Variants in CALD1 observed in about 807,000 individuals in gnomAD.
CALD1 encodes the protein caldesmon.
CALD1 carries 33 observed loss-of-function variants against 99.9 expected under a neutral mutation model. The ratio of observed to expected loss-of-function variants is 0.33; its 90% CI spans 0.25 to 0.44. The LOEUF (loss-of-function observed/expected upper bound fraction) is 0.44. Ranked by LOEUF, CALD1 falls within the 20% of genes least tolerant of loss-of-function variation. The pLI, the probability that CALD1 is intolerant of heterozygous loss-of-function variation, is 1.00. For missense variants in CALD1, 861 were observed against 962.1 expected, an observed-to-expected ratio of 0.89 and a Z score of 1.39; for synonymous variants, 310 against 325.0, an observed-to-expected ratio of 0.95 and a Z score of 0.50.
At chr7:134,830,598 T>A (rs1586052672) in intron 1 of CALD1, among the ~76,000 whole-genome samples, 1 of 152,090 alleles carries the variant, frequency 6.6e-6, no homozygotes, top group Non-Finnish European at 1.5e-5. Context: ...GTGTGTGTTG[T>A]TCCCCTCTAT....
chr7:134,736,036 T>A, the CALD1 span, among the ~76,000 whole-genome samples: 5 of 152,218 alleles, frequency 3.3e-5, no homozygotes, highest in Non-Finnish European at 7.3e-5. Flanking sequence ...TGCAATATTA[T>A]TAAAGGAAAC....
chr7:134,880,408 T>C (rs147156638), intron 3 of CALD1, among the ~76,000 whole-genome samples: 155 of 152,242 alleles, frequency 1.0e-3, no homozygotes, highest in Non-Finnish European at 1.6e-3. Flanking sequence ...GAGACTAATA[T>C]GAAAAATAAC....
rs142571646 is a variant in CALD1 at position 134,816,602 on chromosome 7, A to G, written c.-129-27282A>G. On this transcript the variant is annotated intron_variant, in intron 1 of 14. Transcript: ENST00000361675. ...CAGTAGACTGTTTTGTATATGCAACATTAACTCATTTGGAAGATTTATGCT... is the reference window on the plus strand; with the variant it reads ...CAGTAGACTGTTTTGTATATGCAACGTTAACTCATTTGGAAGATTTATGCT... Among the ~76,000 whole-genome samples, 209 of 152,322 alleles carry G rather than the reference A, an allele frequency of 1.4e-3. 1 individual carries two copies. The highest frequency in any genetic ancestry group is 4.5e-3 in the African/African-American group (187 of 41,574).
chr7:134,930,843 C>A (rs1039066414), intron 4 of CALD1, among the ~76,000 whole-genome samples: 1 of 152,148 alleles, frequency 6.6e-6, no homozygotes, highest in African/African-American at 2.4e-5. Context: ...AGATTCTTAA[C>A]ACGGGAGGGC....
chr7:134,757,695 A>G (rs1451191428), intron 1 of CALD1, among the ~76,000 whole-genome samples: 3 of 152,140 alleles, frequency 2.0e-5, no homozygotes. Flanking sequence ...CCTGGCCAAC[A>G]TGGTGAAACC....
intron 3 of CALD1, among the ~76,000 whole-genome samples, chr7:134,911,730 TA>T (rs1296897703): frequency 6.6e-6 from 1 of 152,256 alleles, no homozygotes; most frequent in East Asian, 1.9e-4. Context: ...CTTTGTGTTT[TA>T]ATGCCATATG....
upstream of CALD1, among the ~76,000 whole-genome samples, chr7:134,778,895 C>T (rs1385924916): frequency 1.3e-5 from 2 of 152,122 alleles, no homozygotes; most frequent in Admixed American, 1.3e-4. Flanking sequence ...TGAGGATATC[C>T]AAGCCTGTAG....
At chr7:134,892,070 C>G (rs1420794107) in intron 3 of CALD1, among the ~76,000 whole-genome samples, 2 of 152,166 alleles carry the variant, frequency 1.3e-5, no homozygotes, top group East Asian at 3.9e-4. Flanking sequence ...GAGATTTTGG[C>G]TAAAGCACAC....
chr7:134,929,371 C>A (rs1037505923), intron 4 of CALD1, among the ~76,000 whole-genome samples: 3 of 151,538 alleles, frequency 2.0e-5, no homozygotes, highest in African/African-American at 4.9e-5. Flanking sequence ...ACGCCCAATG[C>A]GCAGTATTTT....
intron 1 of CALD1, among the ~76,000 whole-genome samples, chr7:134,764,968 AT>A (rs1318796454): frequency 6.6e-6 from 1 of 152,190 alleles, no homozygotes; most frequent in Non-Finnish European, 1.5e-5. Flanking sequence ...ACTTTATCTT[AT>A]TGGTAGTAAG....
chr7:134,759,620 T>A (rs1485413286), intron 1 of CALD1, among the ~76,000 whole-genome samples: 1 of 152,132 alleles, frequency 6.6e-6, no homozygotes, highest in Admixed American at 6.5e-5. Flanking sequence ...GCGAGGGATG[T>A]CCAAGATGCC....
chr7:134,842,014 G>T (rs1436690933), intron 1 of CALD1, among the ~76,000 whole-genome samples: 1 of 152,074 alleles, frequency 6.6e-6, no homozygotes, highest in East Asian at 1.9e-4. Flanking sequence ...AACCTCCAGG[G>T]ACCCTCAGTG....
the CALD1 span, among the ~76,000 whole-genome samples, chr7:134,737,238 C>T: frequency 6.6e-6 from 1 of 152,166 alleles, no homozygotes; most frequent in Non-Finnish European, 1.5e-5. Flanking sequence ...GATCTTCCCA[C>T]CTCAGCCTCC....
At chr7:134,852,731 C>G (rs2132228839) in intron 2 of CALD1, among the ~76,000 whole-genome samples, 1 of 152,248 alleles carries the variant, frequency 6.6e-6, no homozygotes, top group South Asian at 2.1e-4. Flanking sequence ...GTCAGTGTAG[C>G]CTTTTTGCTA....
chr7:134,855,046 A>G (rs908240512), intron 2 of CALD1, among the ~76,000 whole-genome samples: 6 of 152,120 alleles, frequency 3.9e-5, no homozygotes, highest in Non-Finnish European at 7.3e-5. Context: ...GCCTTCCACT[A>G]TGATTGAAAG....
At chr7:134,784,566 A>G (rs139579257) in intron 1 of CALD1, among the ~76,000 whole-genome samples, 2 of 152,338 alleles carry the variant, frequency 1.3e-5, no homozygotes, top group Non-Finnish European at 2.9e-5. Context: ...GAGCTTAGTG[A>G]AGTAGTGTAT....
At chr7:134,717,496 C>G in the CALD1 span, among the ~76,000 whole-genome samples, 2 of 152,168 alleles carry the variant, frequency 1.3e-5, no homozygotes, top group Non-Finnish European at 2.9e-5. Context: ...CTAAATGTAC[C>G]TGCTTTGATC....
Position 134,933,559 on chromosome 7 carries a change from A to G in CALD1, c.790A>G (p.Arg264Gly). ...HEKMEEEDKE[R>G]AEAERARLEA... Reference sequence around the variant, plus strand: ...AAAGATGGAAGAGGAAGACAAGGAAAGAGCTGAGGCAGAGAGGGCAAGGTT... The same window carrying G: ...AAAGATGGAAGAGGAAGACAAGGAAGGAGCTGAGGCAGAGAGGGCAAGGTT... Residue 264 changes from arginine to glycine, a missense_variant, in exon 5 of 15, where the codon AGA becomes GGA. Arg to Gly is a moderately radical substitution (Grantham distance 125, BLOSUM62 -2). This residue lies in a region of CALD1 where 234 missense variants were observed against 233.1 expected (regional missense o/e 1.00). Coordinates refer to ENST00000361675, the MANE Select transcript of CALD1 (RefSeq NM_033138.4). 6.2e-7 allele frequency: 1 copy of G among 1,613,820 alleles called. No homozygotes were observed. The highest frequency in any genetic ancestry group is 8.5e-7 in the Non-Finnish European group (1 of 1,179,866).
At chr7:134,811,429 T>C (rs1798350967) in intron 1 of CALD1, among the ~76,000 whole-genome samples, 1 of 152,178 alleles carries the variant, frequency 6.6e-6, no homozygotes, top group African/African-American at 2.4e-5. Context: ...TCCGAAATTA[T>C]CCCTGCTCAC....
Sources: allele counts gnomAD v4.1 joint callset (sites outside exome capture counted in the v4.1 genomes callset), GRCh38; gene constraint gnomAD v4.1.1; regional missense constraint gnomAD v4.1.1; transcripts MANE v1.5; gene names NCBI Gene and HGNC (gene_info 2026-07-23, HGNC 2026-07-21).